The following PRUNE2 variants were observed in gnomAD, a reference collection of about 807,000 sequenced individuals.
The protein encoded by PRUNE2 is prune homolog 2 with BCH domain.
A neutral mutation model predicts 252.0 loss-of-function variants in PRUNE2; 164 were observed. The ratio of observed to expected loss-of-function variants is 0.65; its 90% CI spans 0.57 to 0.74. The LOEUF (loss-of-function observed/expected upper bound fraction) is 0.74, where lower values mean the gene tolerates loss of function less well. PRUNE2 is among the 30% of genes least tolerant of loss of function. The pLI, the probability that PRUNE2 is intolerant of heterozygous loss-of-function variation, is 0.00. For missense variants in PRUNE2, 3,495 were observed against 3,711.0 expected, an observed-to-expected ratio of 0.94 and a Z score of 1.51; for synonymous variants, 1,292 against 1,350.2, an observed-to-expected ratio of 0.96 and a Z score of 0.94.
rs2046895208 is a variant in PRUNE2 at position 76,713,460 on chromosome 9, TA to T, written c.915+102del. 3 of 859,054 alleles carry T rather than the reference TA, an allele frequency of 3.5e-6. No homozygotes were observed. In the East Asian group the frequency reaches 9.2e-5, roughly 26 times the overall value. 53.2% of individuals were successfully genotyped at this position (859,054 alleles called of 1,614,324 possible). ...ACCTCTAGGACTCTACCTCTTGGGC[TA>T]ATTGCTCATGAGCCACCAATCTGTT... On this transcript the variant is annotated intron_variant, in intron 7 of 18. Transcript: ENST00000376718.
At chr9:76,651,217 G>GAAA (rs11449835) in intron 11 of PRUNE2, among the ~76,000 whole-genome samples, 20 of 150,632 alleles carry the variant, frequency 1.3e-4, no homozygotes, top group African/African-American at 4.9e-4. Flanking sequence ...ATAACTTATG[G>GAAA]AAAAAAAAAA....
Position 76,706,958 on chromosome 9 carries a change from T to TAA in PRUNE2, c.5314_5315dup (p.Leu1772PhefsTer2). ...CTGTAATCTGCATTTCAGTCTCCGT[T>TAA]AATGGTGAGAAAGTCCAGGGATCAG... On this transcript the variant is annotated frameshift_variant, in exon 8 of 19. Transcript: ENST00000376718. LOFTEE classifies it high-confidence loss of function. 1 of 1,613,882 alleles carries TAA rather than the reference T, an allele frequency of 6.2e-7. No homozygotes were observed.
At chr9:76,687,601 C>A in intron 9 of PRUNE2, 1 of 395,912 alleles carries the variant, frequency 2.5e-6, no homozygotes. Flanking sequence ...CAAGCTTTGA[C>A]AGTTGTAGCT....
chr9:76,744,803 C>T (rs1053065116), intron 6 of PRUNE2, among the ~76,000 whole-genome samples: 1 of 152,212 alleles, frequency 6.6e-6, no homozygotes, highest in Admixed American at 6.5e-5. Context: ...CTGTGCCTCA[C>T]CCAGCTGCTG....
chr9:76,686,706 T>C (rs1385667222), intron 9 of PRUNE2, among the ~76,000 whole-genome samples: 1 of 152,116 alleles, frequency 6.6e-6, no homozygotes, highest in Non-Finnish European at 1.5e-5. Flanking sequence ...ATCCTCTCAC[T>C]TTGTCTCCAG....
intron 12 of PRUNE2, among the ~76,000 whole-genome samples, chr9:76,643,393 AAAAAG>A (rs1251668601): frequency 1.3e-5 from 2 of 152,232 alleles, no homozygotes; most frequent in East Asian, 1.9e-4. Context: ...TTCTATTTTC[AAAAAG>A]AAAACAAACC....
chr9:76,809,603 G>A (rs2057220386), intron 6 of PRUNE2, among the ~76,000 whole-genome samples: 2 of 152,142 alleles, frequency 1.3e-5, no homozygotes, highest in African/African-American at 4.8e-5. Context: ...GGCTAAGGCA[G>A]GAGAATCACT....
chr9:76,864,502 G>A (rs1432698152), intron 1 of PRUNE2, among the ~76,000 whole-genome samples: 1 of 151,960 alleles, frequency 6.6e-6, no homozygotes, highest in African/African-American at 2.4e-5. Flanking sequence ...AAAATCTAAG[G>A]TGTCAAACAG....
rs569370402 is a variant in PRUNE2, at chr9:76,841,375, G to A, written c.508+5140C>T. ...ACCACCAAGGCCCTGGGTTTCAAGTGCAAAACTGAGTGGCCATTTGGGCAG... is the reference window on the plus strand; with the variant it reads ...ACCACCAAGGCCCTGGGTTTCAAGTACAAAACTGAGTGGCCATTTGGGCAG... On this transcript the variant is annotated intron_variant, in intron 4 of 18. Transcript: ENST00000376718. 8.5e-5 allele frequency among the ~76,000 whole-genome samples: 13 copies of A among 152,314 alleles called. No homozygotes were observed. In the South Asian group the frequency reaches 1.2e-3, roughly 15 times the overall value.
At chr9:76,902,313 A>G (rs1485508274) in intron 1 of PRUNE2, among the ~76,000 whole-genome samples, 1 of 152,142 alleles carries the variant, frequency 6.6e-6, no homozygotes, top group African/African-American at 2.4e-5. Context: ...CACTCCTTCA[A>G]CTTCTCTTAC....
chr9:76,902,303 C>G (rs961922795), intron 1 of PRUNE2, among the ~76,000 whole-genome samples: 1 of 152,218 alleles, frequency 6.6e-6, no homozygotes, highest in Non-Finnish European at 1.5e-5. Context: ...TCATTCCCTA[C>G]ACTCCTTCAA....
chr9:76,683,836 TA>T (rs1479410716), intron 9 of PRUNE2, among the ~76,000 whole-genome samples: 10 of 151,822 alleles, frequency 6.6e-5, no homozygotes, highest in Admixed American at 5.9e-4. Context: ...TATGCCCCCA[TA>T]AATTATATTT....
chr9:76,825,064 T>C (rs1327019360), intron 5 of PRUNE2, among the ~76,000 whole-genome samples: 1 of 152,126 alleles, frequency 6.6e-6, no homozygotes, highest in Non-Finnish European at 1.5e-5. Flanking sequence ...CCCAGCATGA[T>C]GCTCCACCAC....
At chr9:76,731,913 G>A (rs2048642704) in intron 6 of PRUNE2, among the ~76,000 whole-genome samples, 2 of 152,134 alleles carry the variant, frequency 1.3e-5, no homozygotes. Flanking sequence ...AACCTCCTTT[G>A]CTTATAGTAA....
Position 76,704,887 on chromosome 9 carries a change from C to T in PRUNE2, c.7387G>A (p.Asp2463Asn). Reference protein sequence around the residue: ...SQLAVLHIREDPESVYLPVGA... With the variant: ...SQLAVLHIRENPESVYLPVGA... ...ACCGGCAAATAAACGGACTCAGGGT[C>T]TTCACGAATATGCAGCACAGCCAGC... The change falls in exon 8 of 19, where the codon GAC becomes AAC. Residue 2463 changes from aspartate (D) to asparagine (N), a missense_variant. By Grantham distance (23) the Asp-to-Asn change is conservative. Coordinates refer to ENST00000376718, the MANE Select transcript of PRUNE2 (RefSeq NM_015225.3). 6.2e-7 allele frequency: 1 copy of T among 1,609,184 alleles called. No homozygotes were observed. The highest frequency in any genetic ancestry group is 2.2e-5 in the East Asian group (1 of 44,758).
chr9:76,774,476 T>TTTC lies in PRUNE2; in HGVS notation c.756+49155_756+49156insGAA, dbSNP rs1323761923. Among the ~76,000 whole-genome samples, 154 of 148,654 alleles carry TTTC rather than the reference T, an allele frequency of 1.0e-3. 1 individual carries two copies. Among genetic ancestry groups the TTTC allele is most frequent in the Admixed American group, 8.4e-3 (124 of 14,790 alleles). On this transcript the variant is annotated intron_variant, in intron 6 of 18. Coordinates refer to ENST00000376718, the MANE Select transcript of PRUNE2 (RefSeq NM_015225.3). The stretch of plus-strand genomic sequence containing the variant: ...TTTTTTTTTTTTTTTTTTTTTTTTT[T>TTTC]TGAGATGGAGTCTCACTTCTTGCCC...
At chr9:76,639,572 G>A (rs1038727281) in intron 12 of PRUNE2, among the ~76,000 whole-genome samples, 2 of 152,140 alleles carry the variant, frequency 1.3e-5, no homozygotes, top group East Asian at 1.9e-4. Context: ...AGAGTTCTGA[G>A]AAAATTAACA....
chr9:76,637,522 C>T lies in PRUNE2; in HGVS notation c.8859G>A (p.Met2953Ile). 6.2e-7 allele frequency: 1 copy of T among 1,613,300 alleles called. No homozygotes were observed. Among genetic ancestry groups the T allele is most frequent in the Non-Finnish European group, 8.5e-7 (1 of 1,179,564 alleles). The stretch of plus-strand genomic sequence containing the variant: ...ACACAATCATATAGTCTTCAGCTAC[C>T]ATCAACTCTAAAGTACTTATTACAT... The part of the protein sequence containing the change: ...FLYVISTLEL[M>I]VAEDYMIVYL... The change falls in exon 14 of 19, where the codon ATG (methionine) becomes ATA (isoleucine). Residue 2953 changes from methionine (M) to isoleucine (I), a missense_variant. By Grantham distance (10) the Met-to-Ile change is conservative (BLOSUM62 1). Coordinates refer to ENST00000376718, the MANE Select transcript of PRUNE2 (RefSeq NM_015225.3).
intron 4 of PRUNE2, among the ~76,000 whole-genome samples, chr9:76,829,016 CAAAA>C (rs1185924670): frequency 1.0e-5 from 1 of 95,500 alleles, no homozygotes; most frequent in Non-Finnish European, 2.0e-5. Flanking sequence ...CACTCTGTCT[CAAAA>C]AAAAAAAAAA....
Sources: gnomAD v4.1 joint callset for allele counts (sites outside exome capture counted in the v4.1 genomes callset) on GRCh38, gnomAD v4.1.1 for gene constraint, MANE v1.5 for transcripts, NCBI Gene and HGNC (gene_info 2026-07-23, HGNC 2026-07-21) for gene names.